The following TMEM232 variants were observed in gnomAD, a reference collection of about 807,000 sequenced individuals.
TMEM232 encodes transmembrane protein 232.
A neutral mutation model predicts 78.8 loss-of-function variants in TMEM232; 80 were observed. That is an observed-to-expected ratio of 1.01 (90% CI 0.85 to 1.22). TMEM232 has a LOEUF of 1.22. TMEM232 is among the 50% of genes most tolerant of loss of function. The pLI is 0.00. For synonymous variants in TMEM232, 297 were observed against 254.3 expected, an observed-to-expected ratio of 1.17 and a Z score of -1.60; for missense variants, 881 against 742.2, an observed-to-expected ratio of 1.19 and a Z score of -2.17.
At chr5:110,415,582 C>G (rs1180701043), downstream of TMEM232, among the ~76,000 whole-genome samples, 1 of 151,858 alleles carries the variant, frequency 6.6e-6, no homozygotes, top group Non-Finnish European at 1.5e-5. Context: ...CCATAAGTCT[C>G]ATGACTTAGT....
chr5:110,389,817 C>T (rs748739682), intron 4 of TMEM232, among the ~76,000 whole-genome samples: 1 of 152,200 alleles, frequency 6.6e-6, no homozygotes, highest in Non-Finnish European at 1.5e-5. Context: ...GCTGTCACTG[C>T]TCAGAGCTCA....
chr5:110,562,422 C>T (rs994870511), intron 11 of TMEM232, among the ~76,000 whole-genome samples: 1 of 152,050 alleles, frequency 6.6e-6, no homozygotes, highest in Non-Finnish European at 1.5e-5. Context: ...CCACTTTGCA[C>T]CATGTAATCC....
intron 11 of TMEM232, among the ~76,000 whole-genome samples, chr5:110,545,259 T>C (rs1258285630): frequency 3.3e-5 from 5 of 151,990 alleles, no homozygotes; most frequent in Non-Finnish European, 7.4e-5. Context: ...TTTTATTCTG[T>C]TTAAAACTCA....
intron 1 of TMEM232, among the ~76,000 whole-genome samples, chr5:110,670,878 A>G (rs943987551): frequency 2.0e-5 from 3 of 152,170 alleles, no homozygotes; most frequent in South Asian, 2.1e-4. Context: ...ACAATACTCA[A>G]TAAGTAGGAA....
chr5:110,646,080 C>T (rs774250407), intron 2 of TMEM232, among the ~76,000 whole-genome samples: 17 of 151,306 alleles, frequency 1.1e-4, no homozygotes, highest in Admixed American at 2.0e-4. Flanking sequence ...GAAAAAAAGA[C>T]CTGTAAAAAA....
rs1405291863 is a variant in TMEM232, at chr5:110,419,789, A to G, written c.*791T>C. Reference sequence around the variant, plus strand: ...ATCTATATTTTTCAGTTTTCAGGAAAGGAATATAAGACATCACAAAAACTC... The same window carrying G: ...ATCTATATTTTTCAGTTTTCAGGAAGGGAATATAAGACATCACAAAAACTC... On this transcript the variant is annotated 3_prime_UTR_variant, in exon 14 of 14. Transcript: ENST00000455884. Among the ~76,000 whole-genome samples, 3 of 152,276 alleles carry G rather than the reference A, an allele frequency of 2.0e-5. No individual in the cohort carries two copies. The highest frequency in any genetic ancestry group is 6.8e-3 in the Middle Eastern group (2 of 294).
chr5:110,493,171 T>C (rs1765291759), intron 12 of TMEM232, among the ~76,000 whole-genome samples: 1 of 151,928 alleles, frequency 6.6e-6, no homozygotes, highest in African/African-American at 2.4e-5. Context: ...CTTAAAACTT[T>C]TTAAAAAATT....
intron 7 of TMEM232, among the ~76,000 whole-genome samples, chr5:110,623,636 TG>T (rs1784061487): frequency 6.6e-6 from 1 of 152,056 alleles, no homozygotes; most frequent in Non-Finnish European, 1.5e-5. Context: ...GGGCTGAAAC[TG>T]GGGAACTTTA....
chr5:110,484,857 A>T (rs985847226), intron 12 of TMEM232, among the ~76,000 whole-genome samples: 5 of 152,156 alleles, frequency 3.3e-5, no homozygotes, highest in African/African-American at 7.2e-5. Flanking sequence ...GAATTAAAAG[A>T]GTAACTGACA....
At chr5:110,692,023 C>A (rs1794175757) in intron 1 of TMEM232, among the ~76,000 whole-genome samples, 1 of 152,132 alleles carries the variant, frequency 6.6e-6, no homozygotes, top group Non-Finnish European at 1.5e-5. Context: ...TGGGTTCAAG[C>A]CATTCTCTTG....
At chr5:110,456,467 C>T (rs1398481211) in intron 12 of TMEM232, among the ~76,000 whole-genome samples, 2 of 152,060 alleles carry the variant, frequency 1.3e-5, no homozygotes, top group Non-Finnish European at 2.9e-5. Context: ...GATGTCAATA[C>T]TTTTTAAACT....
intron 1 of TMEM232, among the ~76,000 whole-genome samples, chr5:110,716,065 T>G (rs1443871414): frequency 6.6e-6 from 1 of 152,084 alleles, no homozygotes; most frequent in Non-Finnish European, 1.5e-5. Flanking sequence ...ATATCTTAAT[T>G]GTATTTGATT....
chr5:110,490,119 CA>C (rs1195191862), intron 12 of TMEM232, among the ~76,000 whole-genome samples: 16 of 75,608 alleles, frequency 2.1e-4, no homozygotes, highest in African/African-American at 6.4e-4. Flanking sequence ...AACTCCGTTT[CA>C]AAAAGAAAGA....
intron 12 of TMEM232, among the ~76,000 whole-genome samples, chr5:110,470,161 C>T (rs1444568995): frequency 2.0e-5 from 3 of 152,096 alleles, no homozygotes; most frequent in Non-Finnish European, 4.4e-5. Context: ...CTGTTTCATG[C>T]AGTGCAGCTG....
intron 10 of TMEM232, among the ~76,000 whole-genome samples, chr5:110,570,772 TTA>T (rs1236797450): frequency 6.6e-6 from 1 of 152,012 alleles, no homozygotes; most frequent in African/African-American, 2.4e-5. Flanking sequence ...CTAAATCTCA[TTA>T]TGTTACTTCT....
At chr5:110,567,950 G>A (rs2149682369) in intron 11 of TMEM232, among the ~76,000 whole-genome samples, 1 of 152,100 alleles carries the variant, frequency 6.6e-6, no homozygotes, top group Non-Finnish European at 1.5e-5. Context: ...GGCAGCCCTT[G>A]CTATGAGGTA....
chr5:110,671,959 G>A (rs1002038060), intron 1 of TMEM232, among the ~76,000 whole-genome samples: 1 of 152,020 alleles, frequency 6.6e-6, no homozygotes, highest in East Asian at 1.9e-4. Context: ...ATAAAATTGA[G>A]TTAGAAATAC....
At chr5:110,629,053 C>G (rs1355525754) in intron 5 of TMEM232, 1 of 151,698 alleles carries the variant, frequency 6.6e-6, no homozygotes, top group African/African-American at 2.4e-5. Context: ...AAGGCAACAA[C>G]TTTGTTGTAG....
chr5:110,692,256 C>T (rs192871224), intron 1 of TMEM232, among the ~76,000 whole-genome samples: 202 of 152,250 alleles, frequency 1.3e-3, no homozygotes, highest in African/African-American at 4.7e-3. Context: ...CTGTGTTTCC[C>T]GAGCTATTAG....
Sources: allele counts gnomAD v4.1 joint callset (sites outside exome capture counted in the v4.1 genomes callset), GRCh38; gene constraint gnomAD v4.1.1; transcripts MANE v1.5; gene names NCBI Gene and HGNC (gene_info 2026-07-23, HGNC 2026-07-21).